The following ENTPD3 variants were observed in gnomAD, a reference collection of about 807,000 sequenced individuals.
ENTPD3 encodes CD39 antigen-like 3.
Under a neutral mutation model 51.2 loss-of-function variants are expected in ENTPD3, and 60 were observed. The ratio of observed to expected loss-of-function variants is 1.17; its 90% CI spans 0.95 to 1.45. ENTPD3 has a LOEUF of 1.45. ENTPD3 is among the 40% of genes most tolerant of loss of function. The pLI, the probability that ENTPD3 is intolerant of heterozygous loss-of-function variation, is 0.00. For synonymous variants in ENTPD3, 221 were observed against 238.4 expected, an observed-to-expected ratio of 0.93 and a Z score of 0.67; for missense variants, 593 against 641.1, an observed-to-expected ratio of 0.93 and a Z score of 0.81.
At chr3:40,405,018 T>C (rs1284021718) in intron 4 of ENTPD3, among the ~76,000 whole-genome samples, 1 of 152,354 alleles carries the variant, frequency 6.6e-6, no homozygotes, top group African/African-American at 2.4e-5. Context: ...CTGGGTTCTC[T>C]GCATGCGTCT....
intron 4 of ENTPD3, among the ~76,000 whole-genome samples, chr3:40,410,930 G>A (rs1410010425): frequency 3.9e-5 from 6 of 152,172 alleles, no homozygotes; most frequent in Admixed American, 3.9e-4. Flanking sequence ...AAGAGACACA[G>A]AGGATGAGAA....
At chr3:40,388,585 GACA>G (rs1954991562) in intron 2 of ENTPD3, among the ~76,000 whole-genome samples, 1 of 126,176 alleles carries the variant, frequency 7.9e-6, no homozygotes, top group Non-Finnish European at 1.7e-5. Flanking sequence ...CACACACACA[GACA>G]CACACACACA....
chr3:40,398,389 G>A (rs1408924066), intron 3 of ENTPD3, among the ~76,000 whole-genome samples: 8 of 152,122 alleles, frequency 5.3e-5, no homozygotes, highest in Non-Finnish European at 8.8e-5. Context: ...GTGGCAGGGC[G>A]GGCTGGAGTG....
chr3:40,418,125 AT>A (rs1339842155), intron 7 of ENTPD3, among the ~76,000 whole-genome samples: 1 of 152,208 alleles, frequency 6.6e-6, no homozygotes, highest in South Asian at 2.1e-4. Context: ...AGCACTGGCC[AT>A]GGAGAAGTGA....
chr3:40,424,030 C>T lies in ENTPD3; in HGVS notation c.1353+67C>T. 5 of 1,606,760 alleles carry T rather than the reference C, an allele frequency of 3.1e-6. No homozygotes were observed. In the South Asian group the frequency reaches 5.6e-5, roughly 18 times the overall value. ...GAGAGGTTTGTATGTGTGTGTGGAA[C>T]AAATGTAGAAGGTAAAAGGGTATTA... On this transcript the variant is annotated intron_variant, in intron 10 of 10. Coordinates refer to ENST00000301825, the MANE Select transcript of ENTPD3 (RefSeq NM_001248.4).
chr3:40,399,993 G>A lies in ENTPD3; in HGVS notation c.169-901G>A, dbSNP rs551177962. On this transcript the variant is annotated intron_variant, in intron 3 of 10. Coordinates refer to ENST00000301825, the MANE Select transcript of ENTPD3 (RefSeq NM_001248.4). ...GTATTAACATGCCTCAGCCGGGCAC[G>A]GTGGCTCACGCCTGTAATCCCAGCA... Among the ~76,000 whole-genome samples the A allele has an allele frequency of 1.8e-3, 276 of 152,174 alleles. 1 individual carries two copies. The highest frequency in any genetic ancestry group is 6.4e-3 in the African/African-American group (266 of 41,516).
chr3:40,413,680 C>A (rs571430884), intron 5 of ENTPD3, among the ~76,000 whole-genome samples: 4 of 152,110 alleles, frequency 2.6e-5, no homozygotes, highest in Admixed American at 6.6e-5. Flanking sequence ...AACCATGGAA[C>A]AGAAAGCTCA....
At chr3:40,388,642 C>T (rs3774806) in intron 2 of ENTPD3, among the ~76,000 whole-genome samples, 2 of 150,520 alleles carry the variant, frequency 1.3e-5, no homozygotes, top group African/African-American at 4.9e-5. Flanking sequence ...GCTTGCCCCG[C>T]CTGCCTCTAG....
intron 4 of ENTPD3, among the ~76,000 whole-genome samples, chr3:40,407,144 A>G (rs1384605969): frequency 6.6e-6 from 1 of 152,100 alleles, no homozygotes; most frequent in East Asian, 1.9e-4. Context: ...AAGCTTAAAG[A>G]GTTTGGTTTT....
At chr3:40,418,365 A>C (rs560102597) in intron 7 of ENTPD3, among the ~76,000 whole-genome samples, 58 of 152,340 alleles carry the variant, frequency 3.8e-4, no homozygotes, top group Non-Finnish European at 7.1e-4. Flanking sequence ...TGGAAGGTTC[A>C]CACAAATTAT....
chr3:40,394,687 T>A (rs1178188795), intron 3 of ENTPD3, among the ~76,000 whole-genome samples: 1 of 152,078 alleles, frequency 6.6e-6, no homozygotes, highest in Non-Finnish European at 1.5e-5. Context: ...TGAATGGAGA[T>A]CCCAAATGGA....
rs1444621315 is a variant in ENTPD3 at position 40,428,660 on chromosome 3, C to A, written c.*1152C>A. ...TGTGTGTTAACTTCCATATGGTACT[C>A]TTTCTCCTAAGGACCCTAGGTGATA... On this transcript the variant is annotated 3_prime_UTR_variant, in exon 11 of 11. Transcript: ENST00000301825. 1 of 152,098 alleles carries A rather than the reference C, an allele frequency of 6.6e-6. No individual in the cohort carries two copies. The highest frequency in any genetic ancestry group is 6.5e-5 in the Admixed American group (1 of 15,282). 9.4% of individuals were successfully genotyped at this position (152,098 alleles called of 1,614,324 possible). A position where few individuals can be genotyped will look rare whatever the true frequency, so the allele number is the denominator to read the frequency against.
At chr3:40,389,753 A>T (rs1258677655) in intron 2 of ENTPD3, among the ~76,000 whole-genome samples, 1 of 152,230 alleles carries the variant, frequency 6.6e-6, no homozygotes, top group Admixed American at 6.5e-5. Context: ...GCCCTCCTGT[A>T]GCAAATGTTG....
At chr3:40,392,382 G>A (rs1231283863) in intron 3 of ENTPD3, 1 of 485,384 alleles carries the variant, frequency 2.1e-6, no homozygotes, top group African/African-American at 2.0e-5. Flanking sequence ...GGACTGTGTA[G>A]TCTTGCTTTG....
chr3:40,408,545 A>G (rs1456181287), intron 4 of ENTPD3, among the ~76,000 whole-genome samples: 1 of 152,226 alleles, frequency 6.6e-6, no homozygotes, highest in Non-Finnish European at 1.5e-5. Flanking sequence ...GATGTTCAGC[A>G]TAGTTTTGTT....
At chr3:40,410,897 T>C (rs12634013) in intron 4 of ENTPD3, among the ~76,000 whole-genome samples, 38,019 of 151,800 alleles carry the variant, frequency 0.25, 5,750 homozygotes, top group East Asian at 0.48. Flanking sequence ...GAAGGAGGGA[T>C]GAAGAGGAGG....
chr3:40,422,263 T>TGG (rs3064617), intron 7 of ENTPD3, among the ~76,000 whole-genome samples: 4 of 150,726 alleles, frequency 2.7e-5, no homozygotes, highest in East Asian at 1.9e-4. Context: ...AGGGTAGTGA[T>TGG]AGAATTTGCA....
chr3:40,390,990 T>A (rs1274086883), intron 2 of ENTPD3: 1 of 152,148 alleles, frequency 6.6e-6, no homozygotes, highest in East Asian at 1.9e-4. Flanking sequence ...TGAGACAAGG[T>A]CTTATTCTGT....
intron 4 of ENTPD3, among the ~76,000 whole-genome samples, chr3:40,406,200 G>C (rs1955491656): frequency 6.6e-6 from 1 of 152,168 alleles, no homozygotes; most frequent in African/African-American, 2.4e-5. Flanking sequence ...AGTGATATGA[G>C]ACAATGGGCC....
Sources: allele counts gnomAD v4.1 joint callset (sites outside exome capture counted in the v4.1 genomes callset), GRCh38; gene constraint gnomAD v4.1.1; transcripts MANE v1.5; gene names NCBI Gene and HGNC (gene_info 2026-07-23, HGNC 2026-07-21).